The following ZNF385B variants were observed in gnomAD, a reference collection of about 807,000 sequenced individuals.
ZNF385B encodes zinc finger protein 385B.
In ZNF385B, 23 loss-of-function variants were observed where a neutral mutation model predicts 39.2. The observed-to-expected ratio is 0.59, with a 90% CI of 0.42 to 0.83. ZNF385B has a LOEUF of 0.83. Ranked by LOEUF, ZNF385B falls within the 40% of genes least tolerant of loss-of-function variation. The probability of loss-of-function intolerance (pLI) is 0.00; values close to 1 mark genes in which losing one functional copy is unlikely to be tolerated. For missense variants in ZNF385B, 552 were observed against 598.9 expected (o/e 0.92, Z 0.82); for synonymous variants, 205 against 222.6 (o/e 0.92, Z 0.70).
chr2:179,501,589 C>A (rs988342536), intron 5 of ZNF385B, among the ~76,000 whole-genome samples: 3 of 151,716 alleles, frequency 2.0e-5, no homozygotes, highest in Non-Finnish European at 2.9e-5. Context: ...GGAAGGGTAG[C>A]GGGGAGCTGG....
intron 3 of ZNF385B, among the ~76,000 whole-genome samples, chr2:179,606,848 A>G (rs1292944798): frequency 1.3e-5 from 2 of 152,158 alleles, no homozygotes; most frequent in Non-Finnish European, 2.9e-5. Context: ...ATTTTCATAG[A>G]TTACAGACCA....
rs116477202 is a variant in ZNF385B, at chr2:179,498,866, A to T, written c.553-15432T>A. ...TTGACATGAAAAACCAATACAAAAA[A>T]AATCAATGAAACAAAAATTTGACTT... On this transcript the variant is annotated intron_variant, in intron 5 of 9. Coordinates refer to ENST00000410066, the MANE Select transcript of ZNF385B (RefSeq NM_152520.6). 3.7e-3 allele frequency among the ~76,000 whole-genome samples: 561 copies of T among 152,072 alleles called. 3 individuals are homozygous for T. Among genetic ancestry groups the T allele is most frequent in the African/African-American group, 0.013 (542 of 41,576 alleles).
intron 3 of ZNF385B, among the ~76,000 whole-genome samples, chr2:179,759,533 C>T (rs1217879226): frequency 3.9e-5 from 6 of 152,160 alleles, no homozygotes; most frequent in African/African-American, 1.2e-4. Context: ...AATCATACTT[C>T]ACTCCAATAA....
At chr2:179,657,745 AATT>A (rs1206324468) in intron 3 of ZNF385B, among the ~76,000 whole-genome samples, 3 of 152,234 alleles carry the variant, frequency 2.0e-5, no homozygotes, top group African/African-American at 7.2e-5. Flanking sequence ...AGACAACAAT[AATT>A]GTCTACCATT....
intron 3 of ZNF385B, among the ~76,000 whole-genome samples, chr2:179,551,544 A>C (rs1407267648): frequency 1.4e-5 from 2 of 141,062 alleles, no homozygotes. Context: ...TCACACACCC[A>C]CCAGTGTAAT....
chr2:179,712,343 A>G (rs1199972550), intron 3 of ZNF385B, among the ~76,000 whole-genome samples: 1 of 152,172 alleles, frequency 6.6e-6, no homozygotes, highest in Non-Finnish European at 1.5e-5. Flanking sequence ...TTTCTCAAGA[A>G]TTCTACCCTA....
At chr2:179,574,368 A>C (rs1251340246) in intron 3 of ZNF385B, among the ~76,000 whole-genome samples, 3 of 152,214 alleles carry the variant, frequency 2.0e-5, no homozygotes, top group Admixed American at 1.3e-4. Flanking sequence ...TATCCTTCTC[A>C]ATATTTTTAG....
chr2:179,774,307 G>A (rs1356293061), intron 1 of ZNF385B, among the ~76,000 whole-genome samples: 3 of 151,854 alleles, frequency 2.0e-5, no homozygotes, highest in Admixed American at 6.6e-5. Context: ...TATGGGCATG[G>A]GTGTATACGT....
rs186362301 is a variant in ZNF385B, at chr2:179,552,549, G to T, written c.299-7580C>A. Reference sequence around the variant, plus strand: ...AAATGAGTGGCATTTCAGATTTTCTGCCATACTCAGTTTTCTTTTTTCATT... The same window carrying T: ...AAATGAGTGGCATTTCAGATTTTCTTCCATACTCAGTTTTCTTTTTTCATT... On this transcript the variant is annotated intron_variant, in intron 3 of 9. Coordinates refer to ENST00000410066, the MANE Select transcript of ZNF385B (RefSeq NM_152520.6). Among the ~76,000 whole-genome samples the T allele has an allele frequency of 2.1e-4, 32 of 149,314 alleles. 3 individuals carry two copies. The highest frequency in any genetic ancestry group is 7.8e-4 in the African/African-American group (31 of 39,740).
chr2:179,654,894 T>C (rs1304486503), intron 3 of ZNF385B, among the ~76,000 whole-genome samples: 1 of 152,174 alleles, frequency 6.6e-6, no homozygotes, highest in Non-Finnish European at 1.5e-5. Flanking sequence ...TGCAGCCTAA[T>C]GGCTTTTTAA....
chr2:179,847,999 AAAG>A (rs1708887218), intron 1 of ZNF385B, among the ~76,000 whole-genome samples: 2 of 152,200 alleles, frequency 1.3e-5, no homozygotes, highest in Admixed American at 1.3e-4. Flanking sequence ...ATAGCTCTAG[AAAG>A]AAGCATGAGA....
chr2:179,625,063 T>C (rs1311655780), intron 3 of ZNF385B, among the ~76,000 whole-genome samples: 1 of 152,192 alleles, frequency 6.6e-6, no homozygotes, highest in Non-Finnish European at 1.5e-5. Flanking sequence ...CTTCAGCATT[T>C]ACAGAGGAGC....
chr2:179,545,085 CT>C (rs2060147558), intron 3 of ZNF385B, 116 bp from the exon 4 acceptor site: 1 of 1,317,750 alleles, frequency 7.6e-7, no homozygotes, highest in East Asian at 2.3e-5. Context: ...GAGAGTTATG[CT>C]GTAAGTAAGC....
chr2:179,580,379 G>A (rs1686352931), intron 3 of ZNF385B, among the ~76,000 whole-genome samples: 1 of 151,970 alleles, frequency 6.6e-6, no homozygotes, highest in Admixed American at 6.6e-5. Context: ...AATGGCATAG[G>A]GAAAATACTA....
intron 4 of ZNF385B, among the ~76,000 whole-genome samples, chr2:179,541,144 C>T (rs1272128612): frequency 1.3e-5 from 2 of 152,202 alleles, no homozygotes; most frequent in Admixed American, 6.5e-5. Context: ...AAATCATCAA[C>T]GATTCAAACT....
chr2:179,664,835 G>A lies in ZNF385B; in HGVS notation c.298+104668C>T, dbSNP rs114953631. Among the ~76,000 whole-genome samples the A allele has an allele frequency of 6.3e-3, 955 of 152,096 alleles. 11 individuals are homozygous for A. Among genetic ancestry groups the A allele is most frequent in the African/African-American group, 0.021 (852 of 41,476 alleles). ...TTTACAGAAACATATTTGGAAGGAA[G>A]TACTCCAAAATCTGTTAACATTGCA... On this transcript the variant is annotated intron_variant, in intron 3 of 9. Transcript: ENST00000410066.
chr2:179,525,446 G>GA (rs577915476), intron 4 of ZNF385B, among the ~76,000 whole-genome samples: 5 of 151,102 alleles, frequency 3.3e-5, no homozygotes, highest in African/African-American at 7.3e-5. Context: ...TTTGCACACA[G>GA]AAAAAAAAAG....
At chr2:179,607,168 C>T (rs1267794419) in intron 3 of ZNF385B, among the ~76,000 whole-genome samples, 3 of 152,018 alleles carry the variant, frequency 2.0e-5, no homozygotes, top group African/African-American at 7.3e-5. Context: ...CCTGAGTATT[C>T]GAGATTCACA....
At chr2:179,761,582 T>C (rs141068700) in intron 3 of ZNF385B, among the ~76,000 whole-genome samples, 623 of 148,024 alleles carry the variant, frequency 4.2e-3, no homozygotes, top group Middle Eastern at 0.014. Context: ...AATATGCAAT[T>C]GATTTTTTTT....
Sources: allele counts gnomAD v4.1 joint callset (sites outside exome capture counted in the v4.1 genomes callset), GRCh38; gene constraint gnomAD v4.1.1; transcripts MANE v1.5; gene names NCBI Gene and HGNC (gene_info 2026-07-23, HGNC 2026-07-21).